TNFAIP8: variants seen among roughly 807,000 people sequenced by gnomAD.
TNFAIP8 encodes TNF alpha induced protein 8.
TNFAIP8 carries 7 observed loss-of-function variants against 13.3 expected under a neutral mutation model. That is an observed-to-expected ratio of 0.52 (90% CI 0.30 to 0.99). The LOEUF (loss-of-function observed/expected upper bound fraction) is 0.99, where lower values mean the gene tolerates loss of function less well. Ranked by LOEUF, TNFAIP8 falls within the 50% of genes least tolerant of loss-of-function variation. The pLI, the probability that TNFAIP8 is intolerant of heterozygous loss-of-function variation, is 0.07. For missense variants in TNFAIP8, 258 were observed against 236.9 expected, an observed-to-expected ratio of 1.09 and a Z score of -0.58; for synonymous variants, 94 against 87.6, an observed-to-expected ratio of 1.07 and a Z score of -0.41.
chr5:119,305,513 T>C, intron 1 of TNFAIP8, among the ~76,000 whole-genome samples: 1 of 150,506 alleles, frequency 6.6e-6, no homozygotes, highest in East Asian at 1.9e-4. Context: ...GAGGATCACA[T>C]GAGCCCAGGA....
At chr5:119,301,719 G>C (rs888091772) in intron 1 of TNFAIP8, among the ~76,000 whole-genome samples, 5 of 152,080 alleles carry the variant, frequency 3.3e-5, no homozygotes, top group African/African-American at 9.7e-5. Context: ...CATTTAACAA[G>C]TCATCTTTAT....
chr5:119,388,770 C>G lies in TNFAIP8; in HGVS notation c.32-4046C>G, dbSNP rs550586570. Among the ~76,000 whole-genome samples, 6 of 151,972 alleles carry G rather than the reference C, an allele frequency of 3.9e-5. No homozygotes were observed. In the South Asian group the frequency reaches 1.0e-3, roughly 26 times the overall value. On this transcript the variant is annotated intron_variant, in intron 1 of 1. Transcript: ENST00000504771. ...CGGGCAGTCCTCCCACCTCAGCCCC[C>G]TGAGCAAATAGGACTACATGCCCAG...
chr5:119,360,570 CTT>C (rs747468121), intron 1 of TNFAIP8, among the ~76,000 whole-genome samples: 5 of 152,240 alleles, frequency 3.3e-5, no homozygotes, highest in Non-Finnish European at 7.3e-5. Context: ...CTAAAAGCGA[CTT>C]TGCCAATCCT....
intron 1 of TNFAIP8, among the ~76,000 whole-genome samples, chr5:119,275,658 C>G (rs898059592): frequency 5.3e-5 from 8 of 152,066 alleles, no homozygotes; most frequent in African/African-American, 1.9e-4. Flanking sequence ...GTAACTTCCT[C>G]CTGCTTCTTT....
chr5:119,308,460 C>T (rs1214492850), intron 1 of TNFAIP8, among the ~76,000 whole-genome samples: 1 of 150,114 alleles, frequency 6.7e-6, no homozygotes, highest in African/African-American at 2.5e-5. Context: ...TGCCTTCCTG[C>T]CTCTTGGCAC....
At chr5:119,379,179 C>T (rs1752392406) in intron 1 of TNFAIP8, among the ~76,000 whole-genome samples, 1 of 152,142 alleles carries the variant, frequency 6.6e-6, no homozygotes, top group Admixed American at 6.5e-5. Context: ...GAGTTGATTT[C>T]CTGATACACC....
intron 1 of TNFAIP8, among the ~76,000 whole-genome samples, chr5:119,294,885 GTTGA>G (rs1390574072): frequency 2.0e-5 from 3 of 151,532 alleles, no homozygotes; most frequent in Non-Finnish European, 4.4e-5. Flanking sequence ...TTTTGATGGG[GTTGA>G]TTGTTTTTCT....
At chr5:119,384,251 G>A (rs566776783) in intron 1 of TNFAIP8, among the ~76,000 whole-genome samples, 7 of 152,300 alleles carry the variant, frequency 4.6e-5, no homozygotes, top group African/African-American at 1.2e-4. Flanking sequence ...TTGGGAGACC[G>A]AGGCGGGTGG....
chr5:119,354,729 AT>A (rs1751315999), upstream of TNFAIP8: 1 of 152,786 alleles, frequency 6.5e-6, no homozygotes, highest in Non-Finnish European at 1.5e-5. Flanking sequence ...GTTAATTTGC[AT>A]AAGGTCATAC....
rs1369407934 is a variant in TNFAIP8, at chr5:119,396,366, C to T, written c.*2985C>T. The T allele has an allele frequency of 6.6e-6, 1 of 152,214 alleles. No homozygotes were observed. Among genetic ancestry groups the T allele is most frequent in the East Asian group, 1.9e-4 (1 of 5,200 alleles). The allele number at this position is 152,214 out of a possible 1,614,324, so 9.4% of individuals were successfully genotyped here. On this transcript the variant is annotated 3_prime_UTR_variant, in exon 2 of 2. Coordinates refer to ENST00000504771, the MANE Select transcript of TNFAIP8 (RefSeq NM_014350.4). ...AACATGACTCCTACTTTGGGGGCAT[C>T]TTGTGGCTCAGTTTTCTGTCTCGTG...
chr5:119,370,148 C>T (rs552281399), intron 1 of TNFAIP8, among the ~76,000 whole-genome samples: 12 of 152,242 alleles, frequency 7.9e-5, no homozygotes, highest in African/African-American at 2.6e-4. Context: ...AGAAGCAGCT[C>T]TCTGTTTTAA....
chr5:119,383,887 T>C (rs1036790563), intron 1 of TNFAIP8, among the ~76,000 whole-genome samples: 2 of 152,202 alleles, frequency 1.3e-5, no homozygotes, highest in African/African-American at 4.8e-5. Context: ...CCCAGCTGGG[T>C]TGATCTTCCT....
At chr5:119,364,819 T>A (rs552872801) in intron 1 of TNFAIP8, among the ~76,000 whole-genome samples, 11 of 151,182 alleles carry the variant, frequency 7.3e-5, no homozygotes, top group Non-Finnish European at 1.0e-4. Context: ...AATGAAGGGT[T>A]TTTTCCCCTT....
rs564365693 is a variant in TNFAIP8, at chr5:119,372,433, C to G, written c.31+16312C>G. Among the ~76,000 whole-genome samples the G allele has an allele frequency of 7.2e-5, 11 of 151,732 alleles. No homozygotes were observed. In the South Asian group the frequency reaches 2.3e-3, roughly 32 times the overall value. On this transcript the variant is annotated intron_variant, in intron 1 of 1. Coordinates refer to ENST00000504771, the MANE Select transcript of TNFAIP8 (RefSeq NM_014350.4). ...TTTTAGAGTTTATTATTTATAAGAA[C>G]TTATAAAATAACAGCTAGATATGAT...
chr5:119,369,889 G>T (rs955982541), intron 1 of TNFAIP8, among the ~76,000 whole-genome samples: 1 of 152,190 alleles, frequency 6.6e-6, no homozygotes, highest in African/African-American at 2.4e-5. Context: ...CCATGGGAGG[G>T]ACTTAACCAG....
Position 119,271,828 on chromosome 5 carries a change from T to C in TNFAIP8, c.1+2921T>C, listed in dbSNP as rs148940435. Among the ~76,000 whole-genome samples, 18 of 152,272 alleles carry C rather than the reference T, an allele frequency of 1.2e-4. No individual in the cohort carries two copies. The East Asian group carries it at 3.3e-3, about 28-fold the overall frequency. ...CCTCACACTGCCCACATCCTGCATTTAATACCAAATGCACACAGCAAGAAC... is the reference window on the plus strand; with the variant it reads ...CCTCACACTGCCCACATCCTGCATTCAATACCAAATGCACACAGCAAGAAC... On this transcript the variant is annotated intron_variant, in intron 1 of 1. Coordinates refer to the TNFAIP8 transcript ENST00000274456.
At chr5:119,376,775 G>A (rs923089562) in intron 1 of TNFAIP8, among the ~76,000 whole-genome samples, 8 of 152,080 alleles carry the variant, frequency 5.3e-5, no homozygotes, top group Non-Finnish European at 1.0e-4. Flanking sequence ...CTGAATGGAC[G>A]GTCAATGAGG....
intron 1 of TNFAIP8, among the ~76,000 whole-genome samples, chr5:119,314,198 CAAACA>C (rs375821936): frequency 6.7e-6 from 1 of 149,202 alleles, no homozygotes; most frequent in Non-Finnish European, 1.5e-5. Flanking sequence ...AACAAACAAA[CAAACA>C]AAAAAACCAT....
At chr5:119,352,305 T>A (rs1353382175), upstream of TNFAIP8, among the ~76,000 whole-genome samples, 1 of 152,164 alleles carries the variant, frequency 6.6e-6, no homozygotes, top group Non-Finnish European at 1.5e-5. Flanking sequence ...GCCAACTTTT[T>A]ATATAGATCA....
Sources: gnomAD v4.1 joint callset for allele counts (sites outside exome capture counted in the v4.1 genomes callset) on GRCh38, gnomAD v4.1.1 for gene constraint, MANE v1.5 for transcripts, NCBI Gene and HGNC (gene_info 2026-07-23, HGNC 2026-07-21) for gene names.